DOCK2: variants seen among roughly 807,000 people sequenced by gnomAD.
DOCK2 encodes the protein dedicator of cytokinesis protein 2.
Under a neutral mutation model 248.9 loss-of-function variants are expected in DOCK2, and 87 were observed. The observed-to-expected ratio is 0.35, with a 90% CI of 0.29 to 0.42. The LOEUF is 0.42. DOCK2 is among the 10% of genes least tolerant of loss of function. DOCK2 has a pLI of 1.00. For synonymous variants in DOCK2, 805 were observed against 821.6 expected (o/e 0.98, Z 0.35); for missense variants, 1,747 against 2,300.2 (o/e 0.76, Z 4.92).
intron 27 of DOCK2, among the ~76,000 whole-genome samples, chr5:169,946,084 A>G (rs1489953539): frequency 6.6e-6 from 1 of 152,166 alleles, no homozygotes; most frequent in African/African-American, 2.4e-5. Context: ...TTTACCCAGG[A>G]AGCCCCAGTT....
At chr5:169,676,962 G>A (rs1196961079) in intron 6 of DOCK2, among the ~76,000 whole-genome samples, 3 of 152,144 alleles carry the variant, frequency 2.0e-5, no homozygotes, top group African/African-American at 7.2e-5. Flanking sequence ...ACCATTTAAA[G>A]CACTTTCCAT....
At chr5:169,809,163 G>T (rs1235737675) in intron 26 of DOCK2, among the ~76,000 whole-genome samples, 1 of 152,038 alleles carries the variant, frequency 6.6e-6, no homozygotes, top group Non-Finnish European at 1.5e-5. Context: ...GCTAATTTTT[G>T]TATTTTTAGT....
At chr5:169,754,162 C>G (rs1341328788) in intron 23 of DOCK2, among the ~76,000 whole-genome samples, 1 of 152,076 alleles carries the variant, frequency 6.6e-6, no homozygotes, top group African/African-American at 2.4e-5. Context: ...AACAGGAAAG[C>G]CTGAAAGCAC....
intron 25 of DOCK2, among the ~76,000 whole-genome samples, chr5:169,795,123 G>A (rs1211904391): frequency 6.6e-6 from 1 of 152,062 alleles, no homozygotes; most frequent in African/African-American, 2.4e-5. Context: ...AACTTATAGG[G>A]TATTTGCTTA....
intron 23 of DOCK2, among the ~76,000 whole-genome samples, chr5:169,757,926 A>G (rs999430690): frequency 1.6e-4 from 25 of 152,352 alleles, no homozygotes; most frequent in Middle Eastern, 3.4e-3. Flanking sequence ...GAAATGGTCA[A>G]TTAAAGGAAA....
chr5:169,733,156 T>C (rs1762868571), intron 22 of DOCK2, among the ~76,000 whole-genome samples: 1 of 152,100 alleles, frequency 6.6e-6, no homozygotes, highest in Non-Finnish European at 1.5e-5. Flanking sequence ...TCCCTTTCTT[T>C]TTTTGGGATT....
At chr5:169,911,559 AG>A (rs1183336751) in intron 27 of DOCK2, among the ~76,000 whole-genome samples, 1 of 152,208 alleles carries the variant, frequency 6.6e-6, no homozygotes, top group Non-Finnish European at 1.5e-5. Flanking sequence ...AAACTTTAGG[AG>A]TAATTATACT....
At chr5:169,685,639 A>G (rs1242664269) in intron 8 of DOCK2, among the ~76,000 whole-genome samples, 3 of 152,222 alleles carry the variant, frequency 2.0e-5, no homozygotes, top group Non-Finnish European at 4.4e-5. Context: ...TGATGATTAA[A>G]TGAACGAATA....
At chr5:169,731,861 C>T (rs1309042894) in intron 22 of DOCK2, among the ~76,000 whole-genome samples, 5 of 152,066 alleles carry the variant, frequency 3.3e-5, no homozygotes, top group African/African-American at 1.2e-4. Flanking sequence ...TGGCTCATGC[C>T]TGTAATCTTG....
intron 25 of DOCK2, 96 bp from the exon 26 acceptor site, chr5:169,802,962 G>A: frequency 1.4e-6 from 2 of 1,390,648 alleles, no homozygotes; most frequent in Non-Finnish European, 1.9e-6. Flanking sequence ...ATGTCTTCAT[G>A]AACTATTTAT....
intron 30 of DOCK2, among the ~76,000 whole-genome samples, chr5:169,997,206 A>G (rs945493614): frequency 2.2e-5 from 3 of 137,654 alleles, no homozygotes; most frequent in Non-Finnish European, 4.6e-5. Flanking sequence ...ATACACATAG[A>G]CATCTCAATG....
chr5:169,772,907 G>T (rs976579993), intron 25 of DOCK2: 1 of 152,306 alleles, frequency 6.6e-6, no homozygotes, highest in South Asian at 2.1e-4. Context: ...TACACAGCTG[G>T]TCATTTAACA....
intron 1 of DOCK2, among the ~76,000 whole-genome samples, chr5:169,645,806 G>A (rs1057415828): frequency 8.6e-5 from 13 of 151,980 alleles, no homozygotes; most frequent in South Asian, 4.1e-4. Context: ...GGAGTGCAGC[G>A]GAGCAATCTC....
At chr5:169,723,676 T>C (rs1450397104) in intron 22 of DOCK2, among the ~76,000 whole-genome samples, 1 of 152,154 alleles carries the variant, frequency 6.6e-6, no homozygotes, top group Non-Finnish European at 1.5e-5. Flanking sequence ...ATTTGTTAAC[T>C]CCCTCACCAT....
At chr5:169,918,797 C>T (rs1205183164) in intron 27 of DOCK2, among the ~76,000 whole-genome samples, 1 of 152,136 alleles carries the variant, frequency 6.6e-6, no homozygotes, top group Non-Finnish European at 1.5e-5. Flanking sequence ...CCAGTAATCC[C>T]AGCTACTCGG....
Position 169,670,472 on chromosome 5 carries a change from A to G in DOCK2, c.169-70A>G, listed in dbSNP as rs924905353. 2.2e-5 allele frequency: 34 copies of G among 1,542,514 alleles called. 1 individual carries two copies. In the South Asian group the frequency reaches 3.1e-4, roughly 14 times the overall value. On this transcript the variant is annotated intron_variant, in intron 3 of 51. Coordinates refer to ENST00000520908, the MANE Select transcript of DOCK2 (RefSeq NM_004946.3). ...TTTTGGAAAAAAATTATAAAGACGT[A>G]GGGTCATTCATTTCTGTGGTGATAT...
At chr5:169,853,667 G>C (rs572196088) in intron 27 of DOCK2, among the ~76,000 whole-genome samples, 2 of 152,016 alleles carry the variant, frequency 1.3e-5, no homozygotes, top group African/African-American at 4.8e-5. Flanking sequence ...AGAGGGCTTC[G>C]ATCTCCCAGA....
intron 32 of DOCK2, among the ~76,000 whole-genome samples, chr5:170,012,342 G>A (rs536108608): frequency 7.9e-5 from 12 of 152,160 alleles, no homozygotes; most frequent in African/African-American, 2.2e-4. Flanking sequence ...AACGACCTAC[G>A]TTTTTTCAAA....
chr5:169,863,253 G>T (rs1009998350), intron 27 of DOCK2, among the ~76,000 whole-genome samples: 1 of 152,122 alleles, frequency 6.6e-6, no homozygotes, highest in African/African-American at 2.4e-5. Flanking sequence ...GGTGACCATT[G>T]TCTGGTCACC....
Sources: allele counts gnomAD v4.1 joint callset (sites outside exome capture counted in the v4.1 genomes callset), GRCh38; gene constraint gnomAD v4.1.1; transcripts MANE v1.5; gene names NCBI Gene and HGNC (gene_info 2026-07-23, HGNC 2026-07-21).